OTC: variants seen among roughly 807,000 people sequenced by gnomAD.
OTC encodes the protein ornithine transcarbamylase, mitochondrial.
OTC carries 3 observed loss-of-function variants against 30.3 expected under a neutral mutation model. That is an observed-to-expected ratio of 0.10 (90% CI 0.05 to 0.26). OTC has a LOEUF of 0.26. OTC is among the 10% of genes least tolerant of loss of function. The probability of loss-of-function intolerance (pLI) is 1.00; values close to 1 mark genes in which losing one functional copy is unlikely to be tolerated. For synonymous variants in OTC, 111 were observed against 99.7 expected (o/e 1.11, Z -0.67); for missense variants, 194 against 260.3 (o/e 0.75, Z 1.75).
At chrX:38,384,728 G>C (rs745564069) in intron 4 of OTC, among the ~76,000 whole-genome samples, 52 of 110,737 alleles carry the variant, frequency 4.7e-4, no homozygotes, top group African/African-American at 1.6e-3. Flanking sequence ...TGCTTTGGGG[G>C]CCTGGTCGAA....
At position 38,403,404 on chromosome X, in the gene OTC, G is replaced by A. The variant is rs189677998; in HGVS notation, c.541-214G>A. Among the ~76,000 whole-genome samples the A allele has an allele frequency of 5.2e-3, 563 of 107,819 alleles. 1 individual carries two copies. Among genetic ancestry groups the A allele is most frequent in the African/African-American group, 0.018 (529 of 29,146 alleles). The allele number at this position is 107,819 out of a possible 115,157, so 93.6% of individuals were successfully genotyped here. On this transcript the variant is annotated intron_variant, in intron 5 of 9. Coordinates refer to ENST00000039007, the MANE Select transcript of OTC (RefSeq NM_000531.6). Reference sequence around the variant, plus strand: ...TAGTCTCTGTTCAAGTTCATATGGTGTCTTGGTTTAAGATATTAAGACATT... The same window carrying A: ...TAGTCTCTGTTCAAGTTCATATGGTATCTTGGTTTAAGATATTAAGACATT...
At chrX:38,392,991 G>A (rs2068436561) in intron 4 of OTC, among the ~76,000 whole-genome samples, 1 of 112,208 alleles carries the variant, frequency 8.9e-6, no homozygotes, top group African/African-American at 3.2e-5. Context: ...AGTCAACGGC[G>A]TAAATAGCCC....
the OTC span, among the ~76,000 whole-genome samples, chrX:38,339,541 T>C: frequency 1.8e-5 from 2 of 108,247 alleles, no homozygotes; most frequent in South Asian, 4.1e-4. Flanking sequence ...TTTTTTTTTT[T>C]TTTTGCTCCT....
chrX:38,412,140 T>C, intron 9 of OTC, 141 bp downstream of exon 9: 15 of 567,403 alleles, frequency 2.6e-5, no homozygotes, highest in Non-Finnish European at 4.5e-5. Context: ...TTCCAGAAAC[T>C]TTATAATACA....
chrX:38,394,257 C>T (rs1602026190), intron 4 of OTC, among the ~76,000 whole-genome samples: 1 of 112,057 alleles, frequency 8.9e-6, no homozygotes, highest in African/African-American at 3.2e-5. Flanking sequence ...TTTTATTGCC[C>T]GGTTTACAAC....
intron 1 of OTC, among the ~76,000 whole-genome samples, chrX:38,362,330 G>A (rs1414772446): frequency 9.0e-6 from 1 of 111,295 alleles, no homozygotes; most frequent in Non-Finnish European, 1.9e-5. Flanking sequence ...ACACAAAGGG[G>A]CACAAGGAAA....
intron 4 of OTC, among the ~76,000 whole-genome samples, chrX:38,392,514 TC>T (rs1185125020): frequency 1.8e-5 from 2 of 112,302 alleles, no homozygotes; most frequent in Non-Finnish European, 3.8e-5. Flanking sequence ...TGTCATTGTT[TC>T]CAGTGAAAAG....
chrX:38,369,930 A>C, intron 3 of OTC, 53 bp downstream of exon 3: 1 of 858,842 alleles, frequency 1.2e-6, no homozygotes, highest in Non-Finnish European at 1.7e-6. Flanking sequence ...TTGAAGGTGA[A>C]GACTTTGGAG....
rs72558497 is a variant in OTC, at chrX:38,401,371, T to C, written c.483T>C (p.Asn161=). The C allele has an allele frequency of 5.0e-6, 6 of 1,204,616 alleles. No homozygotes were observed. Among genetic ancestry groups the C allele is most frequent in the Non-Finnish European group, 6.8e-6 (6 of 888,847 alleles). The stretch of plus-strand genomic sequence containing the variant: ...AAGAAGCATCCATCCCAATTATCAA[T>C]GGGCTGTCAGATTTGTACCATCCTA... ...LAKEASIPII[N]GLSDLYHPIQ... is the part of the protein sequence containing the mutation. The change falls in exon 5 of 10, where the codon AAT becomes AAC. Residue 161 remains asparagine (N), a synonymous_variant. Coordinates refer to ENST00000039007, the MANE Select transcript of OTC (RefSeq NM_000531.6).
At chrX:38,338,601 T>C in the OTC span, among the ~76,000 whole-genome samples, 1 of 112,496 alleles carries the variant, frequency 8.9e-6, no homozygotes, top group East Asian at 2.8e-4. Flanking sequence ...TTTGTTTGTT[T>C]TTTGCAAACA....
the OTC span, among the ~76,000 whole-genome samples, chrX:38,345,367 G>T: frequency 5.6e-4 from 62 of 110,631 alleles, no homozygotes; most frequent in African/African-American, 1.9e-3. Context: ...CCTGCCTGGG[G>T]ACTAGACTTC....
intron 3 of OTC, among the ~76,000 whole-genome samples, chrX:38,372,088 C>T (rs2068325562): frequency 8.9e-6 from 1 of 112,078 alleles, no homozygotes; most frequent in South Asian, 3.7e-4. Context: ...CATGGCATTT[C>T]TATGACTTTT....
intron 1 of OTC, among the ~76,000 whole-genome samples, chrX:38,358,866 G>C (rs62589171): frequency 0.41 from 44,884 of 108,816 alleles, 7,212 homozygotes; most frequent in Middle Eastern, 0.55. Context: ...AGGTGATCCA[G>C]CTGCCTCAGC....
chrX:38,342,936 C>T, the OTC span, among the ~76,000 whole-genome samples: 55 of 111,838 alleles, frequency 4.9e-4, 1 homozygote, highest in East Asian at 0.012. Flanking sequence ...GGGCAGAGCC[C>T]CTGCTTAGTA....
chrX:38,350,617 T>C (rs2068209304), upstream of OTC, among the ~76,000 whole-genome samples: 1 of 111,650 alleles, frequency 9.0e-6, no homozygotes, highest in African/African-American at 3.3e-5. Flanking sequence ...TGAAATTGCT[T>C]TTAACTTCAT....
chrX:38,369,771 T>G, intron 2 of OTC, 25 bp from the exon 3 acceptor site: 1 of 925,916 alleles, frequency 1.1e-6, no homozygotes, highest in Non-Finnish European at 1.6e-6. Context: ...TATATTTTAA[T>G]TCTATTCTTG....
intron 3 of OTC, 29 bp from the exon 4 acceptor site, chrX:38,381,313 A>G (rs2068374923): frequency 9.2e-7 from 1 of 1,084,935 alleles, no homozygotes; most frequent in Non-Finnish European, 1.3e-6. Flanking sequence ...TTTTTTCAAA[A>G]TGATTTTTTT....
At chrX:38,372,437 T>G (rs1350404486) in intron 3 of OTC, among the ~76,000 whole-genome samples, 1 of 112,527 alleles carries the variant, frequency 8.9e-6, no homozygotes, top group Non-Finnish European at 1.9e-5. Flanking sequence ...CTAAATCTAT[T>G]GATTTAATTT....
chrX:38,351,854 G>A (rs1274683624), upstream of OTC, among the ~76,000 whole-genome samples: 2 of 111,195 alleles, frequency 1.8e-5, no homozygotes, highest in African/African-American at 6.6e-5. Flanking sequence ...TCTGTCTCCC[G>A]GGTTCAAGCG....
Sources: allele counts gnomAD v4.1 joint callset (sites outside exome capture counted in the v4.1 genomes callset), GRCh38; gene constraint gnomAD v4.1.1; transcripts MANE v1.5; gene names NCBI Gene and HGNC (gene_info 2026-07-23, HGNC 2026-07-21).